SLC6A11: variants seen among roughly 807,000 people sequenced by gnomAD.
SLC6A11 encodes the protein solute carrier family 6 member 11, also known as sodium- and chloride-dependent GABA transporter 3.
A neutral mutation model predicts 74.8 loss-of-function variants in SLC6A11; 25 were observed. That is an observed-to-expected ratio of 0.33 (90% CI 0.24 to 0.47). The LOEUF is 0.47. Ranked by LOEUF, SLC6A11 falls within the 20% of genes least tolerant of loss-of-function variation. The pLI is 1.00. For synonymous variants in SLC6A11, 330 were observed against 330.2 expected (o/e 1.00, Z 0.01); for missense variants, 574 against 837.0 (o/e 0.69, Z 3.88).
chr3:10,909,709 T>C (rs987375560), intron 6 of SLC6A11, among the ~76,000 whole-genome samples: 2 of 152,208 alleles, frequency 1.3e-5, no homozygotes, highest in South Asian at 2.1e-4. Flanking sequence ...TGGCCTCCCA[T>C]TTCCTGGGTC....
intron 5 of SLC6A11, among the ~76,000 whole-genome samples, chr3:10,862,339 G>T (rs1360813302): frequency 6.6e-6 from 1 of 152,136 alleles, no homozygotes; most frequent in Non-Finnish European, 1.5e-5. Flanking sequence ...TTCATTTTGG[G>T]TTTGTTTTCT....
intron 6 of SLC6A11, among the ~76,000 whole-genome samples, chr3:10,876,016 T>C (rs1694903472): frequency 1.3e-5 from 2 of 152,264 alleles, no homozygotes; most frequent in South Asian, 4.1e-4. Context: ...CACTCATTTT[T>C]CTGTTAAAAC....
chr3:10,866,546 A>C (rs1182550120), intron 5 of SLC6A11, among the ~76,000 whole-genome samples: 1 of 152,160 alleles, frequency 6.6e-6, no homozygotes, highest in Admixed American at 6.5e-5. Context: ...TGGATCCCAC[A>C]TGGGTCAGTG....
chr3:10,920,660 TGCC>T (rs1695525517), intron 8 of SLC6A11, among the ~76,000 whole-genome samples: 1 of 152,232 alleles, frequency 6.6e-6, no homozygotes, highest in Non-Finnish European at 1.5e-5. Context: ...GTGCAGACTA[TGCC>T]CTGCACAACT....
chr3:10,889,303 G>A (rs1695081008), intron 6 of SLC6A11, among the ~76,000 whole-genome samples: 1 of 152,082 alleles, frequency 6.6e-6, no homozygotes, highest in African/African-American at 2.4e-5. Context: ...TGACATTGGA[G>A]TTCTCTCTTG....
intron 5 of SLC6A11, among the ~76,000 whole-genome samples, chr3:10,850,072 T>A (rs933172709): frequency 6.6e-6 from 1 of 152,198 alleles, no homozygotes. Context: ...AAACCTAATA[T>A]ATCCGTGACC....
chr3:10,829,796 A>C (rs1694271051), intron 4 of SLC6A11, among the ~76,000 whole-genome samples: 1 of 152,174 alleles, frequency 6.6e-6, no homozygotes, highest in Admixed American at 6.5e-5. Flanking sequence ...TACACAGGAG[A>C]CTTTATCCAG....
At chr3:10,865,487 C>A (rs1462275522) in intron 5 of SLC6A11, among the ~76,000 whole-genome samples, 5 of 152,150 alleles carry the variant, frequency 3.3e-5, no homozygotes, top group Non-Finnish European at 5.9e-5. Context: ...CACGGTGAAA[C>A]CCCGTCTCTA....
chr3:10,844,514 C>T (rs1452602653), intron 5 of SLC6A11, among the ~76,000 whole-genome samples, 168 bp downstream of exon 5: 2 of 152,096 alleles, frequency 1.3e-5, no homozygotes, highest in African/African-American at 2.4e-5. Flanking sequence ...ACTTATTGGC[C>T]GCCCACCTCA....
At chr3:10,914,168 G>C (rs945968674) in intron 7 of SLC6A11, among the ~76,000 whole-genome samples, 1 of 152,112 alleles carries the variant, frequency 6.6e-6, no homozygotes, top group Non-Finnish European at 1.5e-5. Context: ...ACTTTCACCG[G>C]TGATAGCGTC....
At chr3:10,934,903 C>T in intron 12 of SLC6A11, 126 bp from the exon 13 acceptor site, 6 of 805,404 alleles carry the variant, frequency 7.4e-6, no homozygotes, top group Non-Finnish European at 1.0e-5. Context: ...CTTTTCATGG[C>T]TGTGAAACAG....
rs184138145 is a variant in SLC6A11, at chr3:10,890,596, C to T, written c.891+15501C>T. 1.9e-4 allele frequency among the ~76,000 whole-genome samples: 29 copies of T among 152,326 alleles called. No homozygotes were observed. The South Asian group carries it at 2.9e-3, about 15-fold the overall frequency. Reference sequence around the variant, plus strand: ...AAAAAATACTCTAGCACACAAATTCCGCTCTAAATCCCACGCTGTCATCAT... The same window carrying T: ...AAAAAATACTCTAGCACACAAATTCTGCTCTAAATCCCACGCTGTCATCAT... On this transcript the variant is annotated intron_variant, in intron 6 of 13. Coordinates refer to ENST00000254488, the MANE Select transcript of SLC6A11 (RefSeq NM_014229.3).
chr3:10,895,228 A>T (rs1695156457), intron 6 of SLC6A11, among the ~76,000 whole-genome samples: 1 of 152,190 alleles, frequency 6.6e-6, no homozygotes, highest in Non-Finnish European at 1.5e-5. Flanking sequence ...TAATTTTTTT[A>T]ATTTGAGAGA....
chr3:10,842,889 G>A (rs910455911), intron 4 of SLC6A11, among the ~76,000 whole-genome samples: 2 of 152,156 alleles, frequency 1.3e-5, no homozygotes, highest in African/African-American at 4.8e-5. Flanking sequence ...CTGTAGATGA[G>A]TGCTAATTGG....
In SLC6A11 at chr3:10,918,595, T is replaced by TCCAGGATCCTAGGTAATTC; in HGVS notation, c.1120+152_1120+153insAGGTAATTCCCAGGATCCT. ...AAGGGGCCCCACCATTCATCCACAA[T>TCCAGGATCCTAGGTAATTC]CCAGGATCCTGGGAATTACCTAGGA... On this transcript the variant is annotated intron_variant, in intron 8 of 13. Coordinates refer to ENST00000254488, the MANE Select transcript of SLC6A11 (RefSeq NM_014229.3). The surrounding 1 kb of genome is among the most constrained non-coding windows in gnomAD (Gnocchi z 4.5). 1 of 871,184 alleles carries TCCAGGATCCTAGGTAATTC rather than the reference T, an allele frequency of 1.1e-6. No individual in the cohort carries two copies. The highest frequency in any genetic ancestry group is 1.7e-6 in the Non-Finnish European group (1 of 600,876). 54.0% of individuals were successfully genotyped at this position (871,184 alleles called of 1,614,324 possible). A position where few individuals can be genotyped will look rare whatever the true frequency, so the allele number is the denominator to read the frequency against.
intron 6 of SLC6A11, among the ~76,000 whole-genome samples, chr3:10,876,035 C>G (rs569886786): frequency 7.4e-4 from 112 of 152,358 alleles, no homozygotes; most frequent in Non-Finnish European, 1.4e-3. Flanking sequence ...ACACAGAACA[C>G]ATGGAATCAG....
At chr3:10,828,929 A>T (rs955123236) in intron 4 of SLC6A11, among the ~76,000 whole-genome samples, 1 of 152,214 alleles carries the variant, frequency 6.6e-6, no homozygotes, top group African/African-American at 2.4e-5. Context: ...TCTTGCCAGC[A>T]CATTCTAGGT....
chr3:10,901,533 G>T (rs763141403), intron 6 of SLC6A11, among the ~76,000 whole-genome samples: 23 of 152,226 alleles, frequency 1.5e-4, no homozygotes, highest in East Asian at 5.8e-4. Context: ...GCACCAGAGC[G>T]AGAGGCTGCA....
At chr3:10,911,472 G>T (rs535328080) in intron 6 of SLC6A11, among the ~76,000 whole-genome samples, 15 of 152,104 alleles carry the variant, frequency 9.9e-5, no homozygotes, top group South Asian at 2.1e-4. Flanking sequence ...AAGCCTAGAG[G>T]GGGGGAGTCT....
Sources: allele counts gnomAD v4.1 joint callset (sites outside exome capture counted in the v4.1 genomes callset), GRCh38; gene constraint gnomAD v4.1.1; non-coding constraint Gnocchi (gnomAD v3.1); transcripts MANE v1.5; gene names NCBI Gene and HGNC (gene_info 2026-07-23, HGNC 2026-07-21).